The following PAQR9 variants were observed in gnomAD, a reference collection of about 807,000 sequenced individuals.
The protein encoded by PAQR9 is membrane progestin receptor epsilon.
In PAQR9, 12 loss-of-function variants were observed where a neutral mutation model predicts 24.0. That is an observed-to-expected ratio of 0.50 (90% CI 0.32 to 0.81). PAQR9 has a LOEUF of 0.81. Ranked by LOEUF, PAQR9 falls within the 30% of genes least tolerant of loss-of-function variation. The pLI, the probability that PAQR9 is intolerant of heterozygous loss-of-function variation, is 0.03. For missense variants in PAQR9, 418 were observed against 520.8 expected, an observed-to-expected ratio of 0.80 and a Z score of 1.92; for synonymous variants, 266 against 237.6, an observed-to-expected ratio of 1.12 and a Z score of -1.10.
chr3:142,962,193 A>G lies in PAQR9; in HGVS notation c.*10T>C. On this transcript the variant is annotated 3_prime_UTR_variant, in exon 1 of 1. Coordinates refer to ENST00000340634, the MANE Select transcript of PAQR9 (RefSeq NM_198504.4). The stretch of plus-strand genomic sequence containing the variant: ...ATGGGCGAACCAGTAGTCTCCTCCA[A>G]GGCGGAGGCTCACTTTTTACTGCAG... 2 of 1,611,206 alleles carry G rather than the reference A, an allele frequency of 1.2e-6. No homozygotes were observed. The highest frequency in any genetic ancestry group is 1.7e-6 in the Non-Finnish European group (2 of 1,178,832).
rs764620207 is a variant in PAQR9, at chr3:142,962,992, G to A, written c.345C>T (p.His115=). The A allele has an allele frequency of 6.8e-6, 11 of 1,614,014 alleles. No individual in the cohort carries two copies. The highest frequency in any genetic ancestry group is 3.3e-5 in the South Asian group (3 of 91,088). Residue 115 remains histidine, a synonymous_variant, in exon 1 of 1, where the codon CAC becomes CAT. Coordinates refer to ENST00000340634, the MANE Select transcript of PAQR9 (RefSeq NM_198504.4). The stretch of plus-strand genomic sequence containing the variant: ...ACCACAACGGTAGCAGCCACGGGTG[G>A]TGGAAGGGCACGTCGCCGCCGCTCA... ...FFLSGGDVPF[H]HPWLLPLWCY...
At position 142,960,382 on chromosome 3, in the gene PAQR9, ACCTGTGGG is replaced by A. The variant is rs1934869497; in HGVS notation, c.*1813_*1820del. On this transcript the variant is annotated 3_prime_UTR_variant, in exon 1 of 1. Transcript: ENST00000340634. Reference sequence around the variant, plus strand: ...AAGTTATATCATAAAATCAAGATGCACCTGTGGGACATGATCATCCTGCCCAAGACCTT... The same window carrying A: ...AAGTTATATCATAAAATCAAGATGCAACATGATCATCCTGCCCAAGACCTT... 6.6e-6 allele frequency: 1 copy of A among 152,228 alleles called. No homozygotes were observed. Among genetic ancestry groups the A allele is most frequent in the African/African-American group, 2.4e-5 (1 of 41,422 alleles). 9.4% of individuals were successfully genotyped at this position (152,228 alleles called of 1,614,324 possible).
Position 142,962,652 on chromosome 3 carries a change from A to G in PAQR9, c.685T>C (p.Cys229Arg). 6.2e-7 allele frequency: 1 copy of G among 1,611,322 alleles called. No homozygotes were observed. The highest frequency in any genetic ancestry group is 8.5e-7 in the Non-Finnish European group (1 of 1,178,986). Residue 229 changes from cysteine to arginine, a missense_variant, in exon 1 of 1, where the codon TGC becomes CGC. Cys to Arg is a radical substitution (Grantham distance 180). Coordinates refer to ENST00000340634, the MANE Select transcript of PAQR9 (RefSeq NM_198504.4). ...VLAVACTVAC[C>R]KSRTDWCTYP... ...GTACACCAGTCGGTACGGCTCTTGCAGCAGGCCACAGTGCAAGCCACCGCC... is the reference window on the plus strand; with the variant it reads ...GTACACCAGTCGGTACGGCTCTTGCGGCAGGCCACAGTGCAAGCCACCGCC...
In PAQR9 at chr3:142,957,716, G is replaced by A. The variant is rs1432890168; in HGVS notation, c.*4487C>T. Among the ~76,000 whole-genome samples the A allele has an allele frequency of 1.3e-5, 2 of 152,112 alleles. No individual in the cohort carries two copies. The highest frequency in any genetic ancestry group is 3.2e-3 in the Middle Eastern group (1 of 316). ...TTATTAGTGTTTTCATAATATTAGT[G>A]ATAAGTTTTTCAATTCTGTACATAT... On this transcript the variant is annotated 3_prime_UTR_variant, in exon 1 of 1. Coordinates refer to ENST00000340634, the MANE Select transcript of PAQR9 (RefSeq NM_198504.4).
In PAQR9 at chr3:142,962,685, A is replaced by G; in HGVS notation, c.652T>C (p.Phe218Leu). 1 of 1,612,712 alleles carries G rather than the reference A, an allele frequency of 6.2e-7. No individual in the cohort carries two copies. The highest frequency in any genetic ancestry group is 2.2e-5 in the East Asian group (1 of 44,868). ...ACAGTGCAAGCCACCGCCAGCACGA[A>G]GGCCACAGGCAGCACCAGGGCGCGG... ...AYRALVLPVA[F>L]VLAVACTVAC... The change falls in exon 1 of 1, where the codon TTC (phenylalanine) becomes CTC (leucine). Residue 218 changes from phenylalanine to leucine, a missense_variant. Around this residue, in one of 3 missense-constraint regions of PAQR9, gnomAD observed 230 missense variants for 305.2 expected, o/e 0.75. Coordinates refer to ENST00000340634, the MANE Select transcript of PAQR9 (RefSeq NM_198504.4).
At position 142,962,713 on chromosome 3, in the gene PAQR9, G is replaced by C. The variant is rs1263318881; in HGVS notation, c.624C>G (p.Ala208=). The change falls in exon 1 of 1, where the codon GCC becomes GCG. Residue 208 remains alanine (A), a synonymous_variant. Transcript: ENST00000340634. Reference sequence around the variant, plus strand: ...CCACAGGCAGCACCAGGGCGCGGTAGGCGGCGATAAGGCGCGTGCAGTCCA... The same window carrying C: ...CCACAGGCAGCACCAGGGCGCGGTACGCGGCGATAAGGCGCGTGCAGTCCA... ...WHVDCTRLIA[A]YRALVLPVAF... The C allele has an allele frequency of 6.2e-7, 1 of 1,612,808 alleles. No homozygotes were observed. Among genetic ancestry groups the C allele is most frequent in the Admixed American group, 1.7e-5 (1 of 59,936 alleles).
Position 142,957,744 on chromosome 3 carries a change from C to A in PAQR9, c.*4459G>T, listed in dbSNP as rs1046080965. ...AAGTTTTTCAATTCTGTACATATGC[C>A]GACTATCCCCTCACTTGGATTGTAC... On this transcript the variant is annotated 3_prime_UTR_variant, in exon 1 of 1. Transcript: ENST00000340634. Among the ~76,000 whole-genome samples, 2 of 151,996 alleles carry A rather than the reference C, an allele frequency of 1.3e-5. No homozygotes were observed. Among genetic ancestry groups the A allele is most frequent in the Admixed American group, 1.3e-4 (2 of 15,260 alleles).
chr3:142,953,316 G>A (rs1028440494), downstream of PAQR9, among the ~76,000 whole-genome samples: 2 of 152,132 alleles, frequency 1.3e-5, no homozygotes, highest in East Asian at 3.9e-4. Flanking sequence ...GAAGTTTGCT[G>A]CTGTTCTAAG....
chr3:142,962,153 A>G lies in PAQR9; in HGVS notation c.*50T>C, dbSNP rs552203022. 9.7e-6 allele frequency: 15 copies of G among 1,553,258 alleles called. No homozygotes were observed. The highest frequency in any genetic ancestry group is 8.0e-5 in the South Asian group (7 of 87,112). ...AAAACAAACCAACAATAGCAACAAC[A>G]GAAACTCCAAACAGATGGGCGAACC... On this transcript the variant is annotated 3_prime_UTR_variant, in exon 1 of 1. Coordinates refer to ENST00000340634, the MANE Select transcript of PAQR9 (RefSeq NM_198504.4).
At chr3:142,954,309 A>C (rs1004824738), downstream of PAQR9, among the ~76,000 whole-genome samples, 1 of 152,212 alleles carries the variant, frequency 6.6e-6, no homozygotes, top group African/African-American at 2.4e-5. Context: ...ACATTTCATA[A>C]CCTGGGTTAT....
chr3:142,956,491 C>G lies in PAQR9; in HGVS notation c.*5712G>C, dbSNP rs954065331. 1.3e-5 allele frequency among the ~76,000 whole-genome samples: 2 copies of G among 152,206 alleles called. No individual in the cohort carries two copies. The highest frequency in any genetic ancestry group is 4.8e-5 in the African/African-American group (2 of 41,436). ...TTGATTGAGAACAAAAGCATTAAAGCAAGTGCATTACATTTAGAAGCACAA... is the reference window on the plus strand; with the variant it reads ...TTGATTGAGAACAAAAGCATTAAAGGAAGTGCATTACATTTAGAAGCACAA... On this transcript the variant is annotated 3_prime_UTR_variant, in exon 1 of 1. Coordinates refer to ENST00000340634, the MANE Select transcript of PAQR9 (RefSeq NM_198504.4).
In PAQR9 at chr3:142,962,733, A is replaced by C. The variant is rs776649198; in HGVS notation, c.604T>G (p.Cys202Gly). Residue 202 changes from cysteine (C) to glycine (G), a missense_variant, in exon 1 of 1, where the codon TGC becomes GGC. This residue lies in a region of PAQR9 where 230 missense variants were observed against 305.2 expected (regional missense o/e 0.75). Coordinates refer to ENST00000340634, the MANE Select transcript of PAQR9 (RefSeq NM_198504.4). The part of the protein sequence containing the change: ...LQQRLGWHVD[C>G]TRLIAAYRAL... ...CGGTAGGCGGCGATAAGGCGCGTGCAGTCCACGTGCCAGCCCAGGCGCTGC... is the reference window on the plus strand; with the variant it reads ...CGGTAGGCGGCGATAAGGCGCGTGCCGTCCACGTGCCAGCCCAGGCGCTGC... 3 of 1,612,612 alleles carry C rather than the reference A, an allele frequency of 1.9e-6. No homozygotes were observed. Among genetic ancestry groups the C allele is most frequent in the South Asian group, 2.2e-5 (2 of 90,944 alleles).
upstream of PAQR9, chr3:142,963,804 C>T (rs530779981): frequency 5.4e-4 from 529 of 984,950 alleles, 2 homozygotes; most frequent in African/African-American, 8.7e-3. Context: ...GCTAGGGTTT[C>T]GCGGCCGCTT....
upstream of PAQR9, chr3:142,963,922 C>T (rs1341596314): frequency 5.1e-6 from 5 of 980,956 alleles, no homozygotes; most frequent in Non-Finnish European, 6.1e-6. Flanking sequence ...GCAGGCTGGT[C>T]GGCGACGCGG....
rs865841982 is a variant in PAQR9 at position 142,962,079 on chromosome 3, G to C, written c.*124C>G. On this transcript the variant is annotated 3_prime_UTR_variant, in exon 1 of 1. Coordinates refer to ENST00000340634, the MANE Select transcript of PAQR9 (RefSeq NM_198504.4). ...TTGTAGCAGTGAACTTTTTCCCTAT[G>C]GTTTTGCAGCACCTTCCTTGAGCAA... 1.5e-4 allele frequency: 176 copies of C among 1,176,892 alleles called. No homozygotes were observed. The African/African-American group carries it at 2.5e-3, about 16-fold the overall frequency. 72.9% of individuals were successfully genotyped at this position (1,176,892 alleles called of 1,614,324 possible).
chr3:142,962,380 G>C lies in PAQR9; in HGVS notation c.957C>G (p.Phe319Leu). The C allele has an allele frequency of 2.5e-6, 4 of 1,614,198 alleles. No individual in the cohort carries two copies. Among genetic ancestry groups the C allele is most frequent in the Non-Finnish European group, 3.4e-6 (4 of 1,180,038 alleles). ...AGTACACCTGGTCGTAGATGCTGAGGAAGGTGAAGATGTGGAAGAGCTGGT... is the reference window on the plus strand; with the variant it reads ...AGTACACCTGGTCGTAGATGCTGAGCAAGGTGAAGATGTGGAAGAGCTGGT... Reference protein sequence around the residue: ...HSHQLFHIFTFLSIYDQVYYV... With the variant: ...HSHQLFHIFTLLSIYDQVYYV... Residue 319 changes from phenylalanine (F) to leucine (L), a missense_variant, in exon 1 of 1, where the codon TTC (phenylalanine) becomes TTG (leucine). Phe to Leu is a conservative substitution (Grantham distance 22). Transcript: ENST00000340634.
rs974361874 is a variant in PAQR9 at position 142,957,362 on chromosome 3, T to C, written c.*4841A>G. 6.6e-6 allele frequency among the ~76,000 whole-genome samples: 1 copy of C among 152,220 alleles called. No individual in the cohort carries two copies. Among genetic ancestry groups the C allele is most frequent in the African/African-American group, 2.4e-5 (1 of 41,462 alleles). Reference sequence around the variant, plus strand: ...AACTTGCTGCCCCATTCTGACTGTTTGACTCTAATCCTCTTTGTTCTCCCC... The same window carrying C: ...AACTTGCTGCCCCATTCTGACTGTTCGACTCTAATCCTCTTTGTTCTCCCC... On this transcript the variant is annotated 3_prime_UTR_variant, in exon 1 of 1. Transcript: ENST00000340634.
chr3:142,963,103 C>G lies in PAQR9; in HGVS notation c.234G>C (p.Leu78=), dbSNP rs764503565. ...CTAQECLASV[L]KPTNETLNFW... ...AGTTGAGCGTCTCGTTGGTAGGCTT[C>G]AGCACCGAGGCTAGGCACTCCTGGG... The change falls in exon 1 of 1, where the codon CTG becomes CTC. Residue 78 remains leucine (L), a synonymous_variant. Transcript: ENST00000340634. The G allele has an allele frequency of 2.5e-6, 4 of 1,613,914 alleles. No homozygotes were observed. The highest frequency in any genetic ancestry group is 3.4e-6 in the Non-Finnish European group (4 of 1,179,908).
At chr3:142,953,730 A>G (rs1934751008), downstream of PAQR9, among the ~76,000 whole-genome samples, 1 of 152,132 alleles carries the variant, frequency 6.6e-6, no homozygotes, top group South Asian at 2.1e-4. Flanking sequence ...TCCTGTGGGA[A>G]CTAACCTCCA....
Sources: allele counts gnomAD v4.1 joint callset (sites outside exome capture counted in the v4.1 genomes callset), GRCh38; gene constraint gnomAD v4.1.1; regional missense constraint gnomAD v4.1.1; transcripts MANE v1.5; gene names NCBI Gene and HGNC (gene_info 2026-07-23, HGNC 2026-07-21).